Variants in STX5 observed in about 807,000 individuals in gnomAD.
The protein encoded by STX5 is syntaxin 5.
STX5 carries 15 observed loss-of-function variants against 42.9 expected under a neutral mutation model. The observed-to-expected ratio is 0.35, with a 90% confidence interval of 0.23 to 0.54. The LOEUF (loss-of-function observed/expected upper bound fraction) is 0.54, where lower values mean the gene tolerates loss of function less well. Ranked by LOEUF, STX5 falls within the 20% of genes least tolerant of loss-of-function variation. The probability of loss-of-function intolerance (pLI) is 0.91; values close to 1 mark genes in which losing one functional copy is unlikely to be tolerated. For missense variants in STX5, 430 were observed against 455.0 expected, an observed-to-expected ratio of 0.95 and a Z score of 0.50; for synonymous variants, 184 against 173.2, an observed-to-expected ratio of 1.06 and a Z score of -0.49.
chr11:62,813,191 T>C (rs1052174810), intron 10 of STX5, among the ~76,000 whole-genome samples: 1 of 151,378 alleles, frequency 6.6e-6, no homozygotes, highest in Non-Finnish European at 1.5e-5. Context: ...GGAGAATCAC[T>C]TGAACCTGGG....
rs753985738 is a variant in STX5, at chr11:62,807,424, A to C, written c.*45T>G. ...GGCAGCACTGGCCACTTGCCTTCCCAGGAGGGTCCCAAACCCCAACAGAGT... is the reference window on the plus strand; with the variant it reads ...GGCAGCACTGGCCACTTGCCTTCCCCGGAGGGTCCCAAACCCCAACAGAGT... On this transcript the variant is annotated 3_prime_UTR_variant, in exon 11 of 11. Coordinates refer to ENST00000294179, the MANE Select transcript of STX5 (RefSeq NM_003164.5). 8 of 1,600,032 alleles carry C rather than the reference A, an allele frequency of 5.0e-6. No homozygotes were observed. Among genetic ancestry groups the C allele is most frequent in the Non-Finnish European group, 6.8e-6 (8 of 1,171,646 alleles).
At chr11:62,829,562 G>C (rs2084833233) in intron 2 of STX5, among the ~76,000 whole-genome samples, 1 of 151,666 alleles carries the variant, frequency 6.6e-6, no homozygotes, top group African/African-American at 2.4e-5. Flanking sequence ...CCAGAAGTTC[G>C]AGACCAGCCT....
intron 10 of STX5, among the ~76,000 whole-genome samples, chr11:62,821,755 T>C (rs538302946): frequency 6.7e-6 from 1 of 149,686 alleles, no homozygotes; most frequent in African/African-American, 2.5e-5. Context: ...ACACCGGGCA[T>C]GGTGGCTCAT....
At position 62,831,238 on chromosome 11, in the gene STX5, G is replaced by T. The variant is rs1381385583; in HGVS notation, c.6C>A (p.Ile2=). The change falls in exon 2 of 11, where the codon ATC becomes ATA. Residue 2 remains isoleucine (I), a synonymous_variant. Transcript: ENST00000294179. Reference sequence around the variant, plus strand: ...TCTTAGACCCGTAGCGTTTCCGCGGGATCATTGAGACGCATAACCTCGGAC... The same window carrying T: ...TCTTAGACCCGTAGCGTTTCCGCGGTATCATTGAGACGCATAACCTCGGAC... M[I]PRKRYGSKNT... The T allele has an allele frequency of 1.9e-6, 3 of 1,559,626 alleles. No individual in the cohort carries two copies. The highest frequency in any genetic ancestry group is 1.2e-5 in the South Asian group (1 of 84,800).
chr11:62,822,321 C>T (rs1253291196), intron 10 of STX5, among the ~76,000 whole-genome samples: 2 of 152,288 alleles, frequency 1.3e-5, no homozygotes, highest in East Asian at 1.9e-4. Context: ...CAAGATCATG[C>T]CACTGCACTC....
intron 10 of STX5, among the ~76,000 whole-genome samples, chr11:62,818,262 A>AG: frequency 6.6e-6 from 1 of 150,816 alleles, no homozygotes; most frequent in East Asian, 1.9e-4. Context: ...AAAAAAAAAA[A>AG]AAGACATGAT....
intron 10 of STX5, among the ~76,000 whole-genome samples, chr11:62,813,276 AAAC>A (rs755593992): frequency 5.3e-5 from 8 of 152,238 alleles, no homozygotes; most frequent in Admixed American, 1.3e-4. Context: ...TGTCTCAAAC[AAAC>A]AACAACAAAA....
chr11:62,820,873 T>C (rs1175310884), intron 10 of STX5, among the ~76,000 whole-genome samples: 1 of 152,178 alleles, frequency 6.6e-6, no homozygotes, highest in African/African-American at 2.4e-5. Flanking sequence ...TAATTGAAAT[T>C]TTGATTAAAA....
chr11:62,809,733 T>C (rs1468373902), intron 10 of STX5, among the ~76,000 whole-genome samples: 1 of 145,968 alleles, frequency 6.9e-6, no homozygotes, highest in African/African-American at 2.5e-5. Flanking sequence ...GGAGAATGCC[T>C]TATTATTAGC....
Position 62,807,377 on chromosome 11 carries a change from A to T in STX5, c.*92T>A. On this transcript the variant is annotated 3_prime_UTR_variant, in exon 11 of 11. Transcript: ENST00000294179. ...TCCAGGGAAACAGGGCCTTTCTCCC[A>T]AGTACCCTGCACAGGCTCAGTGGCA... 6.6e-7 allele frequency: 1 copy of T among 1,518,598 alleles called. No individual in the cohort carries two copies. The highest frequency in any genetic ancestry group is 8.8e-7 in the Non-Finnish European group (1 of 1,131,564). 94.1% of individuals were successfully genotyped at this position (1,518,598 alleles called of 1,614,324 possible).
chr11:62,813,414 C>T (rs2134815508), intron 10 of STX5, among the ~76,000 whole-genome samples: 1 of 152,280 alleles, frequency 6.6e-6, no homozygotes, highest in South Asian at 2.1e-4. Flanking sequence ...AGTTCCCAAA[C>T]CTGGATGCTC....
intron 10 of STX5, chr11:62,807,836 AAGTT>A (rs754330235): frequency 1.1e-6 from 1 of 883,174 alleles, no homozygotes; most frequent in Non-Finnish European, 1.6e-6. Flanking sequence ...TTAAGACTCT[AAGTT>A]AGTCTAACTT....
chr11:62,823,990 G>C (rs545173216), intron 10 of STX5, 176 bp downstream of exon 10: 1 of 948,804 alleles, frequency 1.1e-6, no homozygotes, highest in Non-Finnish European at 1.6e-6. Flanking sequence ...TGCCTCACAT[G>C]AACAGGTGCT....
chr11:62,812,629 A>G (rs540155029), intron 10 of STX5, among the ~76,000 whole-genome samples: 2 of 151,172 alleles, frequency 1.3e-5, no homozygotes, highest in East Asian at 4.0e-4. Flanking sequence ...TCACCGTGTT[A>G]GCCAGGATGG....
chr11:62,813,325 C>G (rs2084639021), intron 10 of STX5, among the ~76,000 whole-genome samples: 1 of 152,104 alleles, frequency 6.6e-6, no homozygotes, highest in South Asian at 2.1e-4. Context: ...AGGATCAAGA[C>G]AGCTGTACTC....
chr11:62,826,910 G>GA (rs1339718154), intron 5 of STX5, among the ~76,000 whole-genome samples: 22 of 151,230 alleles, frequency 1.5e-4, no homozygotes, highest in Admixed American at 1.3e-3. Flanking sequence ...AATTATCCAG[G>GA]AATGAGGGCA....
intron 10 of STX5, among the ~76,000 whole-genome samples, chr11:62,815,127 C>G (rs534265122): frequency 6.6e-6 from 1 of 151,912 alleles, no homozygotes; most frequent in African/African-American, 2.4e-5. Flanking sequence ...CCTGCCTCAG[C>G]CTCCCGAGTA....
intron 10 of STX5, among the ~76,000 whole-genome samples, chr11:62,821,999 C>CT (rs1226912424): frequency 6.6e-6 from 1 of 151,896 alleles, no homozygotes; most frequent in Non-Finnish European, 1.5e-5. Flanking sequence ...GCACTCCAGC[C>CT]TAGCGACAGA....
chr11:62,826,766 G>A (rs1460707587), intron 5 of STX5, among the ~76,000 whole-genome samples: 1 of 151,104 alleles, frequency 6.6e-6, no homozygotes, highest in African/African-American at 2.4e-5. Flanking sequence ...TATAGTCCCA[G>A]CTACTGGGGA....
Sources: allele counts gnomAD v4.1 joint callset (sites outside exome capture counted in the v4.1 genomes callset), GRCh38; gene constraint gnomAD v4.1.1; transcripts MANE v1.5; gene names NCBI Gene and HGNC (gene_info 2026-07-23, HGNC 2026-07-21).